Variants in SGMS1 observed in about 807,000 individuals in gnomAD.
The protein encoded by SGMS1 is phosphatidylcholine:ceramide cholinephosphotransferase 1.
SGMS1 carries 13 observed loss-of-function variants against 46.2 expected under a neutral mutation model. That is an observed-to-expected ratio of 0.28 (90% CI 0.18 to 0.45). The LOEUF is 0.45. Ranked by LOEUF, SGMS1 falls within the 20% of genes least tolerant of loss-of-function variation. The pLI, the probability that SGMS1 is intolerant of heterozygous loss-of-function variation, is 1.00. For missense variants in SGMS1, 324 were observed against 519.9 expected, an observed-to-expected ratio of 0.62 and a Z score of 3.66; for synonymous variants, 203 against 187.8, an observed-to-expected ratio of 1.08 and a Z score of -0.66.
chr10:50,621,443 T>C (rs1348950450), intron 1 of SGMS1, among the ~76,000 whole-genome samples: 2 of 152,222 alleles, frequency 1.3e-5, no homozygotes, highest in Non-Finnish European at 1.5e-5. Flanking sequence ...TATTGATGCA[T>C]ATATTTTACT....
At chr10:50,566,742 T>G (rs948893609) in intron 2 of SGMS1, among the ~76,000 whole-genome samples, 3 of 152,214 alleles carry the variant, frequency 2.0e-5, no homozygotes, top group African/African-American at 7.2e-5. Context: ...CACAGGGGAT[T>G]GGTTTCAGGA....
intron 6 of SGMS1, among the ~76,000 whole-genome samples, chr10:50,402,156 G>T (rs1352952381): frequency 6.6e-6 from 1 of 152,120 alleles, no homozygotes; most frequent in Non-Finnish European, 1.5e-5. Flanking sequence ...ATCAATTACT[G>T]CATCAGTCCG....
chr10:50,457,518 T>G (rs1837207219), intron 5 of SGMS1, among the ~76,000 whole-genome samples: 1 of 152,118 alleles, frequency 6.6e-6, no homozygotes, highest in Non-Finnish European at 1.5e-5. Flanking sequence ...AAGGATCCCA[T>G]CACCAAGGTA....
chr10:50,497,775 C>T (rs954004471), intron 3 of SGMS1, among the ~76,000 whole-genome samples: 2 of 151,646 alleles, frequency 1.3e-5, no homozygotes, highest in Non-Finnish European at 2.9e-5. Context: ...GCCTGGGCAA[C>T]AACAGCAAAA....
chr10:50,442,029 C>T (rs1849552079), intron 5 of SGMS1, among the ~76,000 whole-genome samples: 2 of 152,270 alleles, frequency 1.3e-5, no homozygotes, highest in Admixed American at 1.3e-4. Flanking sequence ...TTTTAAAAGA[C>T]ATTCATTAAC....
chr10:50,328,199 AAC>A (rs1392299934), intron 7 of SGMS1: 4 of 259,148 alleles, frequency 1.5e-5, no homozygotes, highest in Non-Finnish European at 3.0e-5. Flanking sequence ...TGTTCAACTT[AAC>A]CTCATTAAAG....
chr10:50,512,243 G>A (rs972775336), intron 3 of SGMS1, among the ~76,000 whole-genome samples: 1 of 151,982 alleles, frequency 6.6e-6, no homozygotes, highest in South Asian at 2.1e-4. Flanking sequence ...GAGGGAGTAG[G>A]AAACAAGACT....
intron 3 of SGMS1, chr10:50,473,815 A>G (rs1048524017): frequency 5.9e-5 from 9 of 152,216 alleles, no homozygotes; most frequent in African/African-American, 2.2e-4. Context: ...ACACAACTCC[A>G]CAAGCACACA....
intron 6 of SGMS1, among the ~76,000 whole-genome samples, chr10:50,385,018 C>G (rs1848662892): frequency 1.3e-5 from 2 of 152,152 alleles, no homozygotes; most frequent in Non-Finnish European, 2.9e-5. Flanking sequence ...GTGGCAGTTC[C>G]TCAATCTTTC....
intron 3 of SGMS1, among the ~76,000 whole-genome samples, chr10:50,505,292 T>A (rs1169188065): frequency 6.6e-6 from 1 of 152,210 alleles, no homozygotes; most frequent in Non-Finnish European, 1.5e-5. Context: ...TACAATAGGT[T>A]ATAATTTAGC....
chr10:50,566,932 TTTG>T (rs915980318), intron 2 of SGMS1, among the ~76,000 whole-genome samples: 6 of 151,892 alleles, frequency 4.0e-5, no homozygotes, highest in Non-Finnish European at 8.8e-5. Context: ...TTTGTTTTGT[TTTG>T]TTGTTGTTGT....
chr10:50,605,593 C>T (rs1324147745), intron 1 of SGMS1, among the ~76,000 whole-genome samples: 2 of 152,182 alleles, frequency 1.3e-5, no homozygotes. Flanking sequence ...ATTGTGAAAC[C>T]ACACTCTTGA....
At chr10:50,413,549 A>G (rs1849129364) in intron 6 of SGMS1, among the ~76,000 whole-genome samples, 1 of 152,236 alleles carries the variant, frequency 6.6e-6, no homozygotes, top group African/African-American at 2.4e-5. Context: ...TTTGGACAGG[A>G]TAACTCTTTG....
chr10:50,485,355 C>A (rs1391489776), intron 3 of SGMS1, among the ~76,000 whole-genome samples: 4 of 152,120 alleles, frequency 2.6e-5, no homozygotes, highest in African/African-American at 9.7e-5. Flanking sequence ...TGAAAGACCT[C>A]TTCAAGGAGA....
chr10:50,593,209 T>C (rs575708237), intron 1 of SGMS1, among the ~76,000 whole-genome samples: 1 of 152,284 alleles, frequency 6.6e-6, no homozygotes, highest in East Asian at 1.9e-4. Context: ...GAGTGAGCCA[T>C]CTTGGAACCA....
intron 2 of SGMS1, among the ~76,000 whole-genome samples, chr10:50,533,614 T>A (rs1450250368): frequency 6.6e-6 from 1 of 152,162 alleles, no homozygotes; most frequent in African/African-American, 2.4e-5. Flanking sequence ...TTTTGCTTTA[T>A]CTCTTCAGAA....
intron 2 of SGMS1, among the ~76,000 whole-genome samples, chr10:50,562,738 G>GT: frequency 6.6e-6 from 1 of 152,238 alleles, no homozygotes; most frequent in East Asian, 1.9e-4. Context: ...TAGAGACGGG[G>GT]TTTCACCATG....
intron 6 of SGMS1, among the ~76,000 whole-genome samples, chr10:50,414,425 A>G (rs1849141148): frequency 1.3e-5 from 2 of 152,180 alleles, no homozygotes; most frequent in Non-Finnish European, 2.9e-5. Context: ...CACATTCTGG[A>G]TATGTGTTTA....
At chr10:50,576,498 A>G (rs1484197439) in intron 2 of SGMS1, among the ~76,000 whole-genome samples, 1 of 152,172 alleles carries the variant, frequency 6.6e-6, no homozygotes, top group Non-Finnish European at 1.5e-5. Flanking sequence ...CTTTCTTCTC[A>G]TCCCCCTCCA....
Sources: allele counts gnomAD v4.1 joint callset (sites outside exome capture counted in the v4.1 genomes callset), GRCh38; gene constraint gnomAD v4.1.1; transcripts MANE v1.5; gene names NCBI Gene and HGNC (gene_info 2026-07-23, HGNC 2026-07-21).